ATXN2: variants seen among roughly 807,000 people sequenced by gnomAD.
The protein encoded by ATXN2 is ataxin 2.
A neutral mutation model predicts 138.6 loss-of-function variants in ATXN2; 37 were observed. The observed-to-expected ratio is 0.27, with a 90% CI of 0.21 to 0.35. The LOEUF (loss-of-function observed/expected upper bound fraction) is 0.35, where lower values mean the gene tolerates loss of function less well. Ranked by LOEUF, ATXN2 falls within the 10% of genes least tolerant of loss-of-function variation. The probability of loss-of-function intolerance (pLI) is 1.00; values close to 1 mark genes in which losing one functional copy is unlikely to be tolerated. For missense variants in ATXN2, 1,216 were observed against 1,480.3 expected, an observed-to-expected ratio of 0.82 and a Z score of 2.93; for synonymous variants, 549 against 543.7, an observed-to-expected ratio of 1.01 and a Z score of -0.13.
intron 1 of ATXN2, among the ~76,000 whole-genome samples, chr12:111,575,158 A>C (rs1322555355): frequency 6.6e-6 from 1 of 152,172 alleles, no homozygotes; most frequent in Non-Finnish European, 1.5e-5. Flanking sequence ...ATTTCTGGGC[A>C]TAGCCAGTGG....
At chr12:111,578,585 A>G (rs765674103) in intron 1 of ATXN2, among the ~76,000 whole-genome samples, 14 of 152,186 alleles carry the variant, frequency 9.2e-5, no homozygotes, top group South Asian at 2.1e-4. Context: ...AGTAAACTCT[A>G]TATTTGTACA....
chr12:111,594,424 C>T (rs1358530707), intron 1 of ATXN2, among the ~76,000 whole-genome samples: 2 of 151,990 alleles, frequency 1.3e-5, no homozygotes, highest in Admixed American at 6.6e-5. Flanking sequence ...CTGCAACCTC[C>T]GCCTCCTGGG....
chr12:111,458,932 G>A (rs983118396), intron 21 of ATXN2, among the ~76,000 whole-genome samples: 2 of 152,164 alleles, frequency 1.3e-5, no homozygotes, highest in African/African-American at 2.4e-5. Flanking sequence ...TAACAGTTAC[G>A]TCTCCAGCTG....
rs552206037 is a variant in ATXN2 at position 111,452,541 on chromosome 12, T to C, written c.*271A>G. 1 of 384,242 alleles carries C rather than the reference T, an allele frequency of 2.6e-6. No individual in the cohort carries two copies. 23.8% of individuals were successfully genotyped at this position (384,242 alleles called of 1,614,324 possible). On this transcript the variant is annotated 3_prime_UTR_variant, in exon 25 of 25. Transcript: ENST00000673436. ...AAGGGTTATTAAAAAATAAATAACT[T>C]CCAGTTTCGGCAAGCAGAGCTGGGG...
At chr12:111,534,494 T>A (rs1463858340) in intron 5 of ATXN2, among the ~76,000 whole-genome samples, 2 of 152,176 alleles carry the variant, frequency 1.3e-5, no homozygotes, top group East Asian at 3.8e-4. Flanking sequence ...GTATATATAC[T>A]AGACACCATG....
chr12:111,536,546 T>A (rs922258203), intron 5 of ATXN2, among the ~76,000 whole-genome samples: 1 of 152,108 alleles, frequency 6.6e-6, no homozygotes, highest in South Asian at 2.1e-4. Flanking sequence ...TATGTAGGAT[T>A]GTAAAATGAT....
chr12:111,553,560 CCT>C (rs1185902531), intron 3 of ATXN2, among the ~76,000 whole-genome samples: 2 of 119,646 alleles, frequency 1.7e-5, no homozygotes, highest in South Asian at 3.2e-4. Flanking sequence ...CGCAACCATG[CCT>C]CTTTTTTCTC....
At chr12:111,542,092 G>C (rs1471648761) in intron 5 of ATXN2, among the ~76,000 whole-genome samples, 2 of 144,116 alleles carry the variant, frequency 1.4e-5, no homozygotes, top group African/African-American at 2.4e-5. Context: ...TATCTTTAGA[G>C]ATTTATTTGA....
chr12:111,581,385 C>T (rs1252184880), intron 1 of ATXN2: 13 of 675,426 alleles, frequency 1.9e-5, no homozygotes, highest in Non-Finnish European at 5.5e-6. Context: ...CACCATGAAC[C>T]ACAATGTCCA....
intron 18 of ATXN2, 154 bp downstream of exon 18, chr12:111,485,111 T>C: frequency 4.9e-6 from 3 of 615,824 alleles, no homozygotes; most frequent in South Asian, 2.9e-5. Flanking sequence ...ATAAAATCCA[T>C]GTGAATATCT....
At chr12:111,548,223 T>C (rs1280919255) in intron 5 of ATXN2, among the ~76,000 whole-genome samples, 1 of 152,150 alleles carries the variant, frequency 6.6e-6, no homozygotes. Context: ...ATTCGACTTA[T>C]GACAACTGAG....
chr12:111,547,854 T>C (rs1881900684), intron 5 of ATXN2, among the ~76,000 whole-genome samples: 1 of 149,054 alleles, frequency 6.7e-6, no homozygotes, highest in African/African-American at 2.5e-5. Flanking sequence ...TTTTTTTTTT[T>C]TTTTTTACTT....
chr12:111,580,202 T>C (rs992749917), intron 1 of ATXN2, among the ~76,000 whole-genome samples: 5 of 151,940 alleles, frequency 3.3e-5, no homozygotes, highest in Non-Finnish European at 5.9e-5. Flanking sequence ...GGAGGCTGGG[T>C]GCAGTGGCTC....
intron 18 of ATXN2, among the ~76,000 whole-genome samples, chr12:111,477,174 C>T (rs1261341622): frequency 4.5e-4 from 60 of 133,232 alleles, no homozygotes; most frequent in African/African-American, 1.8e-3. Context: ...GAGACCCTGT[C>T]TCTACTAAAA....
chr12:111,537,025 T>C (rs1442764204), intron 5 of ATXN2, among the ~76,000 whole-genome samples: 4 of 152,010 alleles, frequency 2.6e-5, no homozygotes, highest in Non-Finnish European at 4.4e-5. Context: ...TCAAATGATC[T>C]GCCAGCCCCA....
chr12:111,488,903 A>G lies in ATXN2; in HGVS notation c.1936-123T>C, dbSNP rs1268969712. The G allele has an allele frequency of 4.8e-6, 4 of 828,890 alleles. No homozygotes were observed. In the African/African-American group the frequency reaches 5.2e-5, roughly 11 times the overall value. The allele number at this position is 828,890 out of a possible 1,614,324, so 51.3% of individuals were successfully genotyped here. On this transcript the variant is annotated intron_variant, in intron 14 of 24. Transcript: ENST00000673436. The stretch of plus-strand genomic sequence containing the variant: ...AAATGTTCTGAATAAGGCTTTTTTC[A>G]TACTTTAAGAGTAATGCTTTTACTA...
chr12:111,547,299 C>T (rs779315144), intron 5 of ATXN2, among the ~76,000 whole-genome samples: 1 of 151,912 alleles, frequency 6.6e-6, no homozygotes, highest in East Asian at 1.9e-4. Context: ...TGGTGGCAGA[C>T]GCCTATAATC....
Position 111,598,061 on chromosome 12 carries a change from G to A in ATXN2, c.251+723C>T. On this transcript the variant is annotated intron_variant, in intron 1 of 24. Transcript: ENST00000673436. This position sits in a 1 kb window ranked among gnomAD's most constrained non-coding sequence, Gnocchi z 4.5. ...CCCACCCCTTCCCTTCCCCAGGTGG[G>A]GGAGGGTGGAACGCTGCCGGAGGCC... 1 of 1,158,792 alleles carries A rather than the reference G, an allele frequency of 8.6e-7. No individual in the cohort carries two copies. Among genetic ancestry groups the A allele is most frequent in the Non-Finnish European group, 1.1e-6 (1 of 923,932 alleles). 71.8% of individuals were successfully genotyped at this position (1,158,792 alleles called of 1,614,324 possible). A position where few individuals can be genotyped will look rare whatever the true frequency, so the allele number is the denominator to read the frequency against.
intron 22 of ATXN2, 24 bp from the exon 23 acceptor site, chr12:111,456,280 G>A: frequency 6.2e-7 from 1 of 1,612,292 alleles, no homozygotes; most frequent in Non-Finnish European, 8.5e-7. Flanking sequence ...GGAAAGAATT[G>A]AGAGGAAAAC....
Sources: allele counts gnomAD v4.1 joint callset (sites outside exome capture counted in the v4.1 genomes callset), GRCh38; gene constraint gnomAD v4.1.1; non-coding constraint Gnocchi (gnomAD v3.1); transcripts MANE v1.5; gene names NCBI Gene and HGNC (gene_info 2026-07-23, HGNC 2026-07-21).